Variants in DRG2 observed in about 807,000 individuals in gnomAD.
DRG2 encodes the protein developmentally-regulated GTP-binding protein 2.
DRG2 carries 36 observed loss-of-function variants against 53.4 expected under a neutral mutation model. The observed-to-expected ratio is 0.67, with a 90% confidence interval of 0.52 to 0.89. The LOEUF (loss-of-function observed/expected upper bound fraction) is 0.89. Ranked by LOEUF, DRG2 falls within the 40% of genes least tolerant of loss-of-function variation. The probability of loss-of-function intolerance (pLI) is 0.00; values close to 1 mark genes in which losing one functional copy is unlikely to be tolerated. For missense variants in DRG2, 342 were observed against 481.2 expected (o/e 0.71, Z 2.71); for synonymous variants, 167 against 192.1 (o/e 0.87, Z 1.08).
intron 8 of DRG2, 74 bp downstream of exon 8, chr17:18,101,664 C>T: frequency 1.4e-6 from 2 of 1,454,630 alleles, no homozygotes; most frequent in Non-Finnish European, 1.9e-6. Context: ...CTCCCGGAAC[C>T]TTGTGAGAGA....
Position 18,107,266 on chromosome 17 carries a change from C to T in DRG2, c.*26C>T. 1 of 1,609,284 alleles carries T rather than the reference C, an allele frequency of 6.2e-7. No homozygotes were observed. The highest frequency in any genetic ancestry group is 1.1e-5 in the South Asian group (1 of 90,958). On this transcript the variant is annotated 3_prime_UTR_variant, in exon 13 of 13. Coordinates refer to ENST00000225729, the MANE Select transcript of DRG2 (RefSeq NM_001388.5). ...CGGCGCCTGCCGGGCCTCCCGCCCA[C>T]CTGCCTCGTCTCCCTGGGGAGGTGG...
intron 2 of DRG2, chr17:18,096,019 A>G (rs1052539870): frequency 6.6e-6 from 1 of 152,220 alleles, no homozygotes; most frequent in African/African-American, 2.4e-5. Context: ...TTTTGTAGAA[A>G]GTCCTTCAGT....
intron 12 of DRG2, 135 bp from the exon 13 acceptor site, chr17:18,107,019 C>G: frequency 1.4e-6 from 1 of 722,314 alleles, no homozygotes; most frequent in Non-Finnish European, 2.3e-6. Context: ...CAGACAACTG[C>G]GGACATCCTG....
At chr17:18,093,780 C>T in intron 1 of DRG2, 33 bp from the exon 2 acceptor site, 1 of 1,603,232 alleles carries the variant, frequency 6.2e-7, no homozygotes, top group Non-Finnish European at 8.5e-7. Flanking sequence ...ACACCCTGGC[C>T]ACTCATCTTC....
In DRG2 at chr17:18,093,981, ATGGTCAGTGT is replaced by A. The variant is rs776251222; in HGVS notation, c.225+9_225+18del. ...TTTCCCTCTGTGGGTAAGGTCAGTG[ATGGTCAGTGT>A]GGGCCTCGGGGAGGAAAGCAAGAAG... On this transcript the variant is annotated intron_variant, in intron 2 of 12. Coordinates refer to ENST00000225729, the MANE Select transcript of DRG2 (RefSeq NM_001388.5). 2.5e-6 allele frequency: 4 copies of A among 1,612,678 alleles called. No homozygotes were observed. The highest frequency in any genetic ancestry group is 3.4e-6 in the Non-Finnish European group (4 of 1,179,034).
chr17:18,089,051 C>T (rs2045267287), intron 1 of DRG2, among the ~76,000 whole-genome samples: 1 of 152,362 alleles, frequency 6.6e-6, no homozygotes, highest in African/African-American at 2.4e-5. Context: ...CACTAGATAG[C>T]TGGTCCCAGT....
At position 18,106,424 on chromosome 17, in the gene DRG2, G is replaced by T. The variant is rs752293925; in HGVS notation, c.955-9G>T. 6.2e-7 allele frequency: 1 copy of T among 1,614,040 alleles called. No individual in the cohort carries two copies. The highest frequency in any genetic ancestry group is 8.5e-7 in the Non-Finnish European group (1 of 1,179,954). On this transcript the variant is annotated splice_polypyrimidine_tract_variant and intron_variant, in intron 11 of 12. Transcript: ENST00000225729. Reference sequence around the variant, plus strand: ...TCACCTCTCTACCTGACTCTCTCCTGTCCTCCAGTGCCACCGCATCCACCG... The same window carrying T: ...TCACCTCTCTACCTGACTCTCTCCTTTCCTCCAGTGCCACCGCATCCACCG...
intron 1 of DRG2, among the ~76,000 whole-genome samples, chr17:18,089,520 C>G (rs1440565767): frequency 6.6e-6 from 1 of 152,128 alleles, no homozygotes; most frequent in African/African-American, 2.4e-5. Context: ...GCCCTTGGAT[C>G]TGATCTTCTA....
In DRG2 at chr17:18,104,626, G is replaced by A; in HGVS notation, c.899G>A (p.Arg300Lys). ...TCIYTKKRGQ[R>K]PDFTDAIILR... The stretch of plus-strand genomic sequence containing the variant: ...TTCTCCCCATCCTGCCCTGCAGAGA[G>A]GCCAGACTTCACAGACGCCATCATT... Residue 300 changes from arginine to lysine, a missense_variant, in exon 11 of 13, where the codon AGG becomes AAG. Physicochemically the swap from Arg to Lys is conservative, Grantham distance 26. Coordinates refer to ENST00000225729, the MANE Select transcript of DRG2 (RefSeq NM_001388.5). 6.2e-7 allele frequency: 1 copy of A among 1,613,894 alleles called. No individual in the cohort carries two copies.
chr17:18,104,967 G>T (rs1032274233), intron 11 of DRG2, among the ~76,000 whole-genome samples: 1 of 152,194 alleles, frequency 6.6e-6, no homozygotes, highest in South Asian at 2.1e-4. Context: ...TCAGCATGCT[G>T]CCTGGCTTTG....
chr17:18,106,514 G>A, intron 12 of DRG2, 28 bp downstream of exon 12: 3 of 1,613,602 alleles, frequency 1.9e-6, no homozygotes, highest in South Asian at 1.1e-5. Flanking sequence ...AAGCAACCAG[G>A]GGGGTAGACC....
intron 9 of DRG2, 101 bp downstream of exon 9, chr17:18,102,098 A>T (rs2045548533): frequency 8.1e-7 from 1 of 1,239,890 alleles, no homozygotes; most frequent in African/African-American, 1.5e-5. Flanking sequence ...AGGAAAAGCC[A>T]GCACAGCCTC....
chr17:18,104,600 GT>G, intron 10 of DRG2, 22 bp from the exon 11 acceptor site: 1 of 1,613,712 alleles, frequency 6.2e-7, no homozygotes, highest in African/African-American at 1.3e-5. Flanking sequence ...TGTGGCTGAC[GT>G]TCTCCCCATC....
At position 18,099,572 on chromosome 17, in the gene DRG2, G is replaced by C; in HGVS notation, c.377-61G>C. The C allele has an allele frequency of 6.5e-7, 1 of 1,539,948 alleles. No homozygotes were observed. The highest frequency in any genetic ancestry group is 1.2e-5 in the South Asian group (1 of 83,976). On this transcript the variant is annotated intron_variant, in intron 4 of 12. Coordinates refer to ENST00000225729, the MANE Select transcript of DRG2 (RefSeq NM_001388.5). This position sits in a 1 kb window ranked among gnomAD's most constrained non-coding sequence, Gnocchi z 4.4. ...GTAAAGGACAGGAGTCCAGGGCGCC[G>C]TGGGCTGGGTAGCAGTCACATGGGT...
rs1266531117 is a variant in DRG2, at chr17:18,100,826, T to C, written c.631+167T>C. 6.6e-6 allele frequency among the ~76,000 whole-genome samples: 1 copy of C among 152,226 alleles called. No individual in the cohort carries two copies. The highest frequency in any genetic ancestry group is 1.9e-4 in the East Asian group (1 of 5,206). ...TGGGCAAGCTCCAGACTGCCAGGTC[T>C]GCAGCCGTGCACTTGACAATGGCTT... On this transcript the variant is annotated intron_variant, in intron 7 of 12. Transcript: ENST00000225729. The surrounding 1 kb of genome is among the most constrained non-coding windows in gnomAD (Gnocchi z 4.1).
chr17:18,090,378 A>T lies in DRG2; in HGVS notation c.64+2291A>T, dbSNP rs1266384562. ...CCACACCGGGCTAATTTATATATAT[A>T]TATATATATATATATATATATATAT... On this transcript the variant is annotated intron_variant, in intron 1 of 12. Coordinates refer to ENST00000225729, the MANE Select transcript of DRG2 (RefSeq NM_001388.5). 2.3e-4 allele frequency among the ~76,000 whole-genome samples: 2 copies of T among 8,768 alleles called. 1 individual carries two copies. Among genetic ancestry groups the T allele is most frequent in the Non-Finnish European group, 3.4e-4 (2 of 5,800 alleles). The allele number at this position is 8,768 out of a possible 152,430, so 5.8% of individuals were successfully genotyped here. A position where few individuals can be genotyped will look rare whatever the true frequency, so the allele number is the denominator to read the frequency against.
Position 18,099,534 on chromosome 17 carries a change from C to T in DRG2, c.377-99C>T, listed in dbSNP as rs1304457997. ...AGCTTGTGCTAGTATGTGGCAGAGG[C>T]TGTGGTAGGTCTGTAAAGGACAGGA... On this transcript the variant is annotated intron_variant, in intron 4 of 12. Transcript: ENST00000225729. This position sits in a 1 kb window ranked among gnomAD's most constrained non-coding sequence, Gnocchi z 4.4. 1 of 1,198,060 alleles carries T rather than the reference C, an allele frequency of 8.3e-7. No homozygotes were observed. The highest frequency in any genetic ancestry group is 1.2e-6 in the Non-Finnish European group (1 of 825,274). 74.2% of individuals were successfully genotyped at this position (1,198,060 alleles called of 1,614,324 possible).
chr17:18,098,093 A>T lies in DRG2; in HGVS notation c.226-177A>T, dbSNP rs2142192941. On this transcript the variant is annotated intron_variant, in intron 2 of 12. Transcript: ENST00000225729. The surrounding 1 kb of genome is among the most constrained non-coding windows in gnomAD (Gnocchi z 4.1). The stretch of plus-strand genomic sequence containing the variant: ...GCCTCTGGTGTCTGACCCATCCAGG[A>T]CAGGGCCAGAGGTGAGCCCTCTGGC... 1 of 586,494 alleles carries T rather than the reference A, an allele frequency of 1.7e-6. No individual in the cohort carries two copies. The highest frequency in any genetic ancestry group is 2.9e-5 in the East Asian group (1 of 34,604). 36.3% of individuals were successfully genotyped at this position (586,494 alleles called of 1,614,324 possible).
chr17:18,100,138 T>C lies in DRG2; in HGVS notation c.468-225T>C. 2 of 603,058 alleles carry C rather than the reference T, an allele frequency of 3.3e-6. No individual in the cohort carries two copies. Among genetic ancestry groups the C allele is most frequent in the Non-Finnish European group, 5.9e-6 (2 of 340,416 alleles). The allele number at this position is 603,058 out of a possible 1,614,324, so 37.4% of individuals were successfully genotyped here. ...TCGCGGGGGCTCCACCACTTGCCTG[T>C]GCATGCCGACCGTAAACCGGGCCAG... On this transcript the variant is annotated intron_variant, in intron 5 of 12. Coordinates refer to ENST00000225729, the MANE Select transcript of DRG2 (RefSeq NM_001388.5). The surrounding 1 kb of genome is among the most constrained non-coding windows in gnomAD (Gnocchi z 4.1).
Sources: gnomAD v4.1 joint callset for allele counts (sites outside exome capture counted in the v4.1 genomes callset) on GRCh38, gnomAD v4.1.1 for gene constraint, Gnocchi (gnomAD v3.1) non-coding constraint, MANE v1.5 for transcripts, NCBI Gene and HGNC (gene_info 2026-07-23, HGNC 2026-07-21) for gene names.